PTPRD: variants seen among roughly 807,000 people sequenced by gnomAD.
PTPRD encodes receptor-type tyrosine-protein phosphatase delta.
In PTPRD, 34 loss-of-function variants were observed where a neutral mutation model predicts 214.5. That is an observed-to-expected ratio of 0.16 (90% CI 0.12 to 0.21). The LOEUF (loss-of-function observed/expected upper bound fraction) is 0.21. Ranked by LOEUF, PTPRD falls within the 10% of genes least tolerant of loss-of-function variation. The pLI is 1.00. For missense variants in PTPRD, 2,545 were observed against 2,398.7 expected (o/e 1.06, Z -1.27); for synonymous variants, 1,128 against 845.7 (o/e 1.33, Z -5.79).
At chr9:9,419,481 A>T (rs2142372137) in intron 8 of PTPRD, among the ~76,000 whole-genome samples, 1 of 151,886 alleles carries the variant, frequency 6.6e-6, no homozygotes, top group East Asian at 1.9e-4. Context: ...AATAATTAAC[A>T]ATGTAAAATC....
intron 9 of PTPRD, among the ~76,000 whole-genome samples, chr9:9,375,585 G>A (rs1014638831): frequency 3.9e-5 from 6 of 152,054 alleles, no homozygotes; most frequent in African/African-American, 1.4e-4. Context: ...AACAGGGCAA[G>A]ACTCCGTCTC....
At chr9:10,526,672 C>A (rs1042250001) in intron 2 of PTPRD, among the ~76,000 whole-genome samples, 1 of 152,004 alleles carries the variant, frequency 6.6e-6, no homozygotes, top group African/African-American at 2.4e-5. Context: ...CTTTCAATAC[C>A]CTTTACATAA....
At position 8,499,722 on chromosome 9, in the gene PTPRD, C is replaced by A. The variant is rs754210574; in HGVS notation, c.2247G>T (p.Val749=). The part of the protein sequence containing the change: ...KQHGQIRGYQ[V]HYVRMENGEP... ...CACCATTTTCCATCCTCACATAATGCACCTGATATCCTCTTATCTGGCCAT... is the reference window on the plus strand; with the variant it reads ...CACCATTTTCCATCCTCACATAATGAACCTGATATCCTCTTATCTGGCCAT... Residue 749 remains valine (V), a synonymous_variant, in exon 25 of 46, where the codon GTG becomes GTT. Transcript: ENST00000381196. 1.9e-6 allele frequency: 3 copies of A among 1,614,004 alleles called. No homozygotes were observed. Among genetic ancestry groups the A allele is most frequent in the East Asian group, 4.5e-5 (2 of 44,890 alleles).
intron 11 of PTPRD, among the ~76,000 whole-genome samples, chr9:8,735,675 C>T (rs1019554453): frequency 6.6e-6 from 1 of 151,874 alleles, no homozygotes; most frequent in African/African-American, 2.4e-5. Flanking sequence ...TTTCGGAAGC[C>T]GAGGCAGGAG....
intron 9 of PTPRD, among the ~76,000 whole-genome samples, chr9:9,362,136 C>T (rs988553436): frequency 1.5e-4 from 22 of 151,082 alleles, no homozygotes; most frequent in African/African-American, 5.1e-4. Flanking sequence ...TCTTTTATAT[C>T]ACAAGTCAGT....
Position 8,373,852 on chromosome 9 carries a change from ATGTG to A in PTPRD, c.4661+2080_4661+2083del, listed in dbSNP as rs1564367284. Among the ~76,000 whole-genome samples the A allele has an allele frequency of 4.2e-3, 478 of 113,090 alleles. 8 individuals are homozygous for A. Among genetic ancestry groups the A allele is most frequent in the South Asian group, 0.018 (61 of 3,354 alleles). The allele number at this position is 113,090 out of a possible 152,430, so 74.2% of individuals were successfully genotyped here. A position where few individuals can be genotyped will look rare whatever the true frequency, so the allele number is the denominator to read the frequency against. Reference sequence around the variant, plus strand: ...TGTATGTATGTATGTATGTATGTGTATGTGTCTGTCTGTCTATCTATCTATCTAT... The same window carrying A: ...TGTATGTATGTATGTATGTATGTGTATCTGTCTGTCTATCTATCTATCTAT... On this transcript the variant is annotated intron_variant, in intron 39 of 45. Coordinates refer to ENST00000381196, the MANE Select transcript of PTPRD (RefSeq NM_002839.4).
chr9:10,415,470 A>T (rs2098478694), intron 2 of PTPRD, among the ~76,000 whole-genome samples: 1 of 151,902 alleles, frequency 6.6e-6, no homozygotes, highest in Non-Finnish European at 1.5e-5. Flanking sequence ...TATTTCCTAA[A>T]ATCAAACTAG....
intron 11 of PTPRD, among the ~76,000 whole-genome samples, chr9:8,759,605 TGTTAC>T (rs1477937264): frequency 7.4e-6 from 1 of 134,980 alleles, no homozygotes; most frequent in Non-Finnish European, 1.6e-5. Context: ...CTTTTGTTCC[TGTTAC>T]ATTTCTTTTT....
intron 12 of PTPRD, among the ~76,000 whole-genome samples, chr9:8,729,643 C>T (rs2098633089): frequency 6.6e-6 from 1 of 152,148 alleles, no homozygotes. Flanking sequence ...TCACCGTCAT[C>T]CACATTTTAA....
rs540923724 is a variant in PTPRD at position 9,739,718 on chromosome 9, G to A, written c.-325-5147C>T. ...AATATTTTCCATTATATTACCTTCTGATATTTATTATTTCTCTTCTTTTGT... is the reference window on the plus strand; with the variant it reads ...AATATTTTCCATTATATTACCTTCTAATATTTATTATTTCTCTTCTTTTGT... On this transcript the variant is annotated intron_variant, in intron 6 of 45. Transcript: ENST00000381196. 2.2e-4 allele frequency among the ~76,000 whole-genome samples: 34 copies of A among 151,654 alleles called. 1 individual carries two copies. The highest frequency in any genetic ancestry group is 8.2e-4 in the African/African-American group (34 of 41,412).
chr9:9,593,724 A>G (rs566692023), intron 7 of PTPRD, among the ~76,000 whole-genome samples: 37 of 152,040 alleles, frequency 2.4e-4, no homozygotes, highest in Non-Finnish European at 3.5e-4. Context: ...GAGGAACACA[A>G]TGAAGGTCAC....
At chr9:10,175,528 A>G (rs911072739) in intron 3 of PTPRD, among the ~76,000 whole-genome samples, 2 of 152,106 alleles carry the variant, frequency 1.3e-5, no homozygotes, top group African/African-American at 4.8e-5. Flanking sequence ...CTGAACAGAA[A>G]GTGATGGCCT....
chr9:8,919,796 A>G (rs1466082553), intron 11 of PTPRD, among the ~76,000 whole-genome samples: 3 of 143,168 alleles, frequency 2.1e-5, no homozygotes, highest in Non-Finnish European at 4.7e-5. Context: ...CACAATACAT[A>G]CACATGCAAG....
chr9:9,104,747 A>C (rs2099796156), intron 10 of PTPRD, among the ~76,000 whole-genome samples: 1 of 152,138 alleles, frequency 6.6e-6, no homozygotes, highest in Non-Finnish European at 1.5e-5. Flanking sequence ...TCATCCACCT[A>C]GTCATTTTGT....
chr9:9,771,160 T>C (rs2098748766), intron 5 of PTPRD, among the ~76,000 whole-genome samples: 1 of 152,160 alleles, frequency 6.6e-6, no homozygotes, highest in Non-Finnish European at 1.5e-5. Flanking sequence ...ATGTTCTTTT[T>C]CCCACCTTTA....
At chr9:10,201,275 T>C (rs1050149508) in intron 3 of PTPRD, among the ~76,000 whole-genome samples, 3 of 151,966 alleles carry the variant, frequency 2.0e-5, no homozygotes, top group Middle Eastern at 3.2e-3. Context: ...TCTGATAAGA[T>C]AAAGTCACTT....
At chr9:9,814,776 G>A (rs910397837) in intron 5 of PTPRD, among the ~76,000 whole-genome samples, 1 of 145,836 alleles carries the variant, frequency 6.9e-6, no homozygotes, top group Admixed American at 6.9e-5. Context: ...AACCATGAAC[G>A]CTCCAAATAC....
At chr9:9,847,891 C>T (rs1161239259) in intron 5 of PTPRD, among the ~76,000 whole-genome samples, 1 of 152,044 alleles carries the variant, frequency 6.6e-6, no homozygotes, top group Non-Finnish European at 1.5e-5. Flanking sequence ...ATGTACATCA[C>T]ACTTTTTAAA....
At chr9:10,142,994 AATC>A (rs1387541262) in intron 3 of PTPRD, among the ~76,000 whole-genome samples, 2 of 152,082 alleles carry the variant, frequency 1.3e-5, no homozygotes, top group African/African-American at 4.8e-5. Flanking sequence ...ATGAAATTGA[AATC>A]ATCATTCTCA....
Sources: allele counts gnomAD v4.1 joint callset (sites outside exome capture counted in the v4.1 genomes callset), GRCh38; gene constraint gnomAD v4.1.1; transcripts MANE v1.5; gene names NCBI Gene and HGNC (gene_info 2026-07-23, HGNC 2026-07-21).